NDUFA7: variants seen among roughly 807,000 people sequenced by gnomAD.
The protein encoded by NDUFA7 is NADH dehydrogenase [ubiquinone] 1 alpha subcomplex subunit 7.
NDUFA7 carries 18 observed loss-of-function variants against 14.2 expected under a neutral mutation model. The observed-to-expected ratio is 1.27, with a 90% CI of 0.88 to 1.88. The LOEUF is 1.88. Ranked by LOEUF, NDUFA7 falls within the 40% of genes most tolerant of loss-of-function variation. NDUFA7 has a pLI of 0.00. For missense variants in NDUFA7, 172 were observed against 147.3 expected, an observed-to-expected ratio of 1.17 and a Z score of -0.87; for synonymous variants, 75 against 62.1, an observed-to-expected ratio of 1.21 and a Z score of -0.98.
intron 2 of NDUFA7, chr19:8,319,227 T>C (rs776186254): frequency 6.6e-6 from 1 of 152,062 alleles, no homozygotes; most frequent in Non-Finnish European, 1.5e-5. Context: ...ACGTTTACCT[T>C]TGTAACAAAA....
At chr19:8,314,695 T>C (rs1970213703) in intron 3 of NDUFA7, among the ~76,000 whole-genome samples, 1 of 152,152 alleles carries the variant, frequency 6.6e-6, no homozygotes, top group Non-Finnish European at 1.5e-5. Context: ...GGGCAGATCA[T>C]GAGATCAGGA....
At chr19:8,311,629 A>G (rs1463184999) in intron 3 of NDUFA7, 34 bp from the exon 4 acceptor site, 1 of 1,585,728 alleles carries the variant, frequency 6.3e-7, no homozygotes, top group Admixed American at 1.7e-5. Flanking sequence ...GAGGGTTTCC[A>G]AAGAACAGTG....
At chr19:8,316,810 G>A in intron 2 of NDUFA7, 165 bp from the exon 3 acceptor site, 1 of 767,442 alleles carries the variant, frequency 1.3e-6, no homozygotes, top group Non-Finnish European at 2.1e-6. Context: ...ACATATGCCT[G>A]GGGAGGGGTC....
At chr19:8,308,627 C>T (rs920513598), downstream of NDUFA7, 90 of 344,658 alleles carry the variant, frequency 2.6e-4, 1 homozygote, top group South Asian at 3.1e-3. Flanking sequence ...AATATGGCAG[C>T]CACGCCCCTC....
chr19:8,316,712 CTG>C, intron 2 of NDUFA7, 67 bp from the exon 3 acceptor site: 1 of 1,018,818 alleles, frequency 9.8e-7, no homozygotes, highest in Non-Finnish European at 1.4e-6. Context: ...CTGTGGGCCC[CTG>C]TCACCTCAGT....
intron 2 of NDUFA7, chr19:8,319,619 A>G (rs753711998): frequency 6.6e-6 from 1 of 151,754 alleles, no homozygotes; most frequent in Non-Finnish European, 1.5e-5. Flanking sequence ...ATTTGGAATT[A>G]GTCACAACAT....
At chr19:8,319,043 C>A (rs1252021078) in intron 2 of NDUFA7, among the ~76,000 whole-genome samples, 1 of 146,656 alleles carries the variant, frequency 6.8e-6, no homozygotes, top group Admixed American at 6.9e-5. Context: ...CTAAAAAAGT[C>A]AAAACTTTCA....
intron 3 of NDUFA7, 114 bp from the exon 4 acceptor site, chr19:8,311,709 GGACA>G (rs1970180005): frequency 1.1e-5 from 9 of 793,446 alleles, no homozygotes; most frequent in Non-Finnish European, 1.8e-5. Context: ...TGGACCTGCA[GGACA>G]GACAGCAGGG....
intron 2 of NDUFA7, among the ~76,000 whole-genome samples, chr19:8,320,333 G>C (rs983894169): frequency 1.3e-5 from 2 of 152,090 alleles, no homozygotes; most frequent in African/African-American, 4.8e-5. Context: ...TGCTGTGTTT[G>C]TTTCCCTACT....
chr19:8,313,498 G>A (rs948771052), intron 3 of NDUFA7, among the ~76,000 whole-genome samples: 1 of 152,226 alleles, frequency 6.6e-6, no homozygotes, highest in Non-Finnish European at 1.5e-5. Context: ...CCAAAGTGCT[G>A]GGATTACAGG....
At chr19:8,317,835 A>C (rs1030245067) in intron 2 of NDUFA7, among the ~76,000 whole-genome samples, 11 of 151,988 alleles carry the variant, frequency 7.2e-5, no homozygotes, top group Non-Finnish European at 1.5e-4. Flanking sequence ...GGCTAAAAAC[A>C]ATTTTTCTAT....
chr19:8,317,939 C>T (rs183581346), intron 2 of NDUFA7, among the ~76,000 whole-genome samples: 141 of 152,246 alleles, frequency 9.3e-4, no homozygotes, highest in Admixed American at 9.2e-3. Flanking sequence ...TCCCAAAGTG[C>T]TGGGATTACA....
intron 3 of NDUFA7, among the ~76,000 whole-genome samples, chr19:8,312,642 G>A (rs1268294633): frequency 1.3e-5 from 2 of 151,936 alleles, no homozygotes; most frequent in African/African-American, 2.4e-5. Flanking sequence ...CATCACTCCC[G>A]GCTAATTTTT....
chr19:8,310,681 A>G (rs1214638976), downstream of NDUFA7: 2 of 152,176 alleles, frequency 1.3e-5, no homozygotes, highest in African/African-American at 4.8e-5. Flanking sequence ...TGGAGTGCCA[A>G]CAGAGTTGGG....
rs758705245 is a variant in NDUFA7 at position 8,311,516 on chromosome 19, G to A, written c.331C>T (p.Pro111Ser). 22 of 1,610,306 alleles carry A rather than the reference G, an allele frequency of 1.4e-5. No homozygotes were observed. The highest frequency in any genetic ancestry group is 2.2e-5 in the East Asian group (1 of 44,554). The change falls in exon 4 of 4, where the codon CCT becomes TCT. Residue 111 changes from proline (P) to serine (S), a missense_variant. Coordinates refer to ENST00000301457, the MANE Select transcript of NDUFA7 (RefSeq NM_005001.5). Reference sequence around the variant, plus strand: ...GTGAGGGTGCAGTGTCACAGGTAAGGCTGGTCCGAGGACAGCTCCCACCTC... The same window carrying A: ...GTGAGGGTGCAGTGTCACAGGTAAGACTGGTCCGAGGACAGCTCCCACCTC... ...IKRWELSSDQ[P>S]YL
intron 3 of NDUFA7, among the ~76,000 whole-genome samples, chr19:8,315,359 C>G (rs1332677327): frequency 3.9e-5 from 6 of 151,946 alleles, no homozygotes; most frequent in African/African-American, 1.5e-4. Flanking sequence ...CTGCCCTTCC[C>G]TGGGCAATGG....
chr19:8,314,820 G>A (rs1005188040), intron 3 of NDUFA7, among the ~76,000 whole-genome samples: 1 of 152,052 alleles, frequency 6.6e-6, no homozygotes, highest in Admixed American at 6.6e-5. Flanking sequence ...GGCTGAGGCA[G>A]GAGAATGGCG....
chr19:8,312,514 T>C (rs773082505), intron 3 of NDUFA7, among the ~76,000 whole-genome samples: 10 of 152,280 alleles, frequency 6.6e-5, no homozygotes, highest in Non-Finnish European at 1.2e-4. Context: ...AGACTCTTGC[T>C]CTGTCACCCA....
intron 2 of NDUFA7, among the ~76,000 whole-genome samples, chr19:8,318,089 A>G (rs1440826071): frequency 6.6e-6 from 1 of 152,100 alleles, no homozygotes; most frequent in African/African-American, 2.4e-5. Flanking sequence ...AGGAGGCTGG[A>G]TGTGGTGGCT....
Sources: gnomAD v4.1 joint callset for allele counts (sites outside exome capture counted in the v4.1 genomes callset) on GRCh38, gnomAD v4.1.1 for gene constraint, MANE v1.5 for transcripts, NCBI Gene and HGNC (gene_info 2026-07-23, HGNC 2026-07-21) for gene names.